Variants in PDE8A observed in about 807,000 individuals in gnomAD.
The protein encoded by PDE8A is phosphodiesterase 8A, also known as high affinity cAMP-specific and IBMX-insensitive 3',5'-cyclic phosphodiesterase 8A.
In PDE8A, 59 loss-of-function variants were observed where a neutral mutation model predicts 105.0. The observed-to-expected ratio is 0.56, with a 90% CI of 0.46 to 0.70. PDE8A has a LOEUF of 0.70. PDE8A is among the 30% of genes least tolerant of loss of function. The probability of loss-of-function intolerance (pLI) is 0.00; values close to 1 mark genes in which losing one functional copy is unlikely to be tolerated. For synonymous variants in PDE8A, 355 were observed against 371.9 expected (o/e 0.95, Z 0.52); for missense variants, 1,014 against 1,045.9 (o/e 0.97, Z 0.42).
In PDE8A at chr15:85,117,716, G is replaced by A. The variant is rs576467018; in HGVS notation, c.1611G>A (p.Thr537=). 6.2e-6 allele frequency: 10 copies of A among 1,613,892 alleles called. No homozygotes were observed. The highest frequency in any genetic ancestry group is 2.2e-5 in the South Asian group (2 of 91,076). Residue 537 remains threonine (T), a synonymous_variant, in exon 17 of 22, where the codon ACG becomes ACA. Coordinates refer to ENST00000394553, the MANE Select transcript of PDE8A (RefSeq NM_002605.3). ...AATTCTTACACTGCTCCGAGTCAAC[G>A]CTAAGATCATGGTTACAAATTATCG... The part of the protein sequence containing the change: ...ICEFLHCSES[T]LRSWLQIIEA...
rs2080233080 is a variant in PDE8A, at chr15:85,011,159, G to A, written c.186+28811G>A. On this transcript the variant is annotated intron_variant, in intron 1 of 21. Coordinates refer to ENST00000394553, the MANE Select transcript of PDE8A (RefSeq NM_002605.3). Reference sequence around the variant, plus strand: ...TCTGAACTTTAGCTGTTCTTTTTCAGTTAGATATGGGGAAGTGGCACGTTC... The same window carrying A: ...TCTGAACTTTAGCTGTTCTTTTTCAATTAGATATGGGGAAGTGGCACGTTC... Among the ~76,000 whole-genome samples, 5 of 152,050 alleles carry A rather than the reference G, an allele frequency of 3.3e-5. No individual in the cohort carries two copies. The South Asian group carries it at 1.0e-3, about 32-fold the overall frequency.
At chr15:85,136,462 G>C (rs2082411675) in intron 20 of PDE8A, 72 bp from the exon 21 acceptor site, 2 of 1,511,174 alleles carry the variant, frequency 1.3e-6, no homozygotes, top group Non-Finnish European at 8.9e-7. Context: ...AGCTCTTCCT[G>C]GGGGAGGGGC....
In PDE8A at chr15:85,093,983, C is replaced by T. The variant is rs1468584837; in HGVS notation, c.852+2802C>T. Among the ~76,000 whole-genome samples, 3 of 152,244 alleles carry T rather than the reference C, an allele frequency of 2.0e-5. No homozygotes were observed. In the East Asian group the frequency reaches 5.8e-4, roughly 29 times the overall value. On this transcript the variant is annotated intron_variant, in intron 8 of 21. Coordinates refer to ENST00000394553, the MANE Select transcript of PDE8A (RefSeq NM_002605.3). Reference sequence around the variant, plus strand: ...CAAGCGATTTTCCCACTTCAGCCTCCCAAGTAGCTGGGACCACACGTGTCT... The same window carrying T: ...CAAGCGATTTTCCCACTTCAGCCTCTCAAGTAGCTGGGACCACACGTGTCT...
intron 2 of PDE8A, among the ~76,000 whole-genome samples, chr15:85,065,264 C>T (rs900158764): frequency 4.3e-5 from 6 of 139,438 alleles, no homozygotes; most frequent in Admixed American, 3.2e-4. Context: ...AGACAGAAAA[C>T]AACCAATTGA....
intron 1 of PDE8A, among the ~76,000 whole-genome samples, chr15:85,018,815 A>AT (rs1255567423): frequency 6.6e-6 from 1 of 152,200 alleles, no homozygotes; most frequent in Non-Finnish European, 1.5e-5. Context: ...TAGTAAGAAT[A>AT]TTTTAAATGT....
At chr15:85,036,933 A>G (rs78529327) in intron 1 of PDE8A, among the ~76,000 whole-genome samples, 2,409 of 152,224 alleles carry the variant, frequency 0.016, 63 homozygotes, top group African/African-American at 0.054. Flanking sequence ...TTGGGGAGGA[A>G]GTGAGGGAGA....
At chr15:85,044,773 G>A (rs911025485) in intron 1 of PDE8A, among the ~76,000 whole-genome samples, 2 of 152,124 alleles carry the variant, frequency 1.3e-5, no homozygotes, top group African/African-American at 2.4e-5. Context: ...TCATCCTCCC[G>A]TAGTTCATTC....
intron 1 of PDE8A, among the ~76,000 whole-genome samples, chr15:85,019,587 T>G (rs1354182559): frequency 6.6e-6 from 1 of 152,048 alleles, no homozygotes; most frequent in Non-Finnish European, 1.5e-5. Context: ...GGGTTTTTTT[T>G]GTTTTGTTTT....
chr15:85,001,230 T>G (rs1220458008), intron 1 of PDE8A, among the ~76,000 whole-genome samples: 1 of 152,132 alleles, frequency 6.6e-6, no homozygotes, highest in Non-Finnish European at 1.5e-5. Flanking sequence ...CCGCAAGAAT[T>G]TCTTCCCAAT....
chr15:85,099,049 C>A (rs2081810922), intron 9 of PDE8A, among the ~76,000 whole-genome samples: 1 of 152,076 alleles, frequency 6.6e-6, no homozygotes, highest in African/African-American at 2.4e-5. Flanking sequence ...TGTTTAATCT[C>A]AATCATGTAA....
At chr15:85,027,100 C>G (rs1012604059) in intron 1 of PDE8A, among the ~76,000 whole-genome samples, 19 of 152,120 alleles carry the variant, frequency 1.2e-4, no homozygotes, top group African/African-American at 4.3e-4. Flanking sequence ...CCTGTAAGAA[C>G]AAAAAGTCCT....
intron 1 of PDE8A, among the ~76,000 whole-genome samples, chr15:85,021,104 T>A (rs1386522418): frequency 6.6e-6 from 1 of 152,166 alleles, no homozygotes; most frequent in Non-Finnish European, 1.5e-5. Context: ...ATTAGTTCCC[T>A]TAAAAAAGAA....
chr15:85,100,198 G>A lies in PDE8A; in HGVS notation c.1036G>A (p.Asp346Asn). The A allele has an allele frequency of 6.2e-7, 1 of 1,611,410 alleles. No individual in the cohort carries two copies. The highest frequency in any genetic ancestry group is 8.5e-7 in the Non-Finnish European group (1 of 1,177,922). The change falls in exon 11 of 22, where the codon GAT (aspartate) becomes AAT (asparagine). Residue 346 changes from aspartate (D) to asparagine (N), a missense_variant and splice_region_variant. Coordinates refer to ENST00000394553, the MANE Select transcript of PDE8A (RefSeq NM_002605.3). ...SECVQSDTHT[D>N]NQTGKHKDRR... is the part of the protein sequence containing the mutation. Reference sequence around the variant, plus strand: ...ATGTGTTCAGTCTGACACTCATACAGGTACGGTGCCCCGTATTTATTCTTA... The same window carrying A: ...ATGTGTTCAGTCTGACACTCATACAAGTACGGTGCCCCGTATTTATTCTTA...
chr15:84,983,304 T>G (rs970793213), intron 1 of PDE8A, among the ~76,000 whole-genome samples: 4 of 152,258 alleles, frequency 2.6e-5, no homozygotes, highest in Non-Finnish European at 4.4e-5. Flanking sequence ...GGCTGCAGAT[T>G]GTTGGCTGTC....
chr15:84,980,835 AGAG>A (rs2079694396), upstream of PDE8A: 2 of 152,244 alleles, frequency 1.3e-5, no homozygotes, highest in Non-Finnish European at 1.5e-5. Flanking sequence ...GGTTAAAATG[AGAG>A]GAGGACGGGC....
At chr15:85,104,057 C>T (rs2081908961) in intron 11 of PDE8A, among the ~76,000 whole-genome samples, 1 of 152,194 alleles carries the variant, frequency 6.6e-6, no homozygotes, top group African/African-American at 2.4e-5. Flanking sequence ...TCCCTTTTCC[C>T]TGGCCCATGT....
intron 1 of PDE8A, among the ~76,000 whole-genome samples, chr15:85,018,133 A>G (rs2080359843): frequency 6.6e-6 from 1 of 152,214 alleles, no homozygotes; most frequent in South Asian, 2.1e-4. Flanking sequence ...TAGGCTAACT[A>G]CAGGACTTTT....
intron 5 of PDE8A, among the ~76,000 whole-genome samples, chr15:85,083,162 C>A (rs1359151220): frequency 3.3e-5 from 5 of 152,156 alleles, no homozygotes; most frequent in African/African-American, 1.2e-4. Context: ...TAAAGCGGAC[C>A]AAATACTGTT....
chr15:85,051,001 T>G (rs986419559), intron 1 of PDE8A, among the ~76,000 whole-genome samples: 7 of 152,202 alleles, frequency 4.6e-5, no homozygotes, highest in Non-Finnish European at 1.0e-4. Context: ...TTTTGTAGTT[T>G]CACTTGTACA....
Sources: allele counts gnomAD v4.1 joint callset (sites outside exome capture counted in the v4.1 genomes callset), GRCh38; gene constraint gnomAD v4.1.1; transcripts MANE v1.5; gene names NCBI Gene and HGNC (gene_info 2026-07-23, HGNC 2026-07-21).